Variants in PMP22 observed in about 807,000 individuals in gnomAD.
The protein encoded by PMP22 is peripheral myelin protein 22.
Under a neutral mutation model 18.9 loss-of-function variants are expected in PMP22, and 2 were observed. The ratio of observed to expected loss-of-function variants is 0.11; its 90% CI spans 0.04 to 0.33. The LOEUF is 0.33. PMP22 is among the 10% of genes least tolerant of loss of function. The pLI, the probability that PMP22 is intolerant of heterozygous loss-of-function variation, is 1.00. For synonymous variants in PMP22, 95 were observed against 89.2 expected (o/e 1.07, Z -0.37); for missense variants, 169 against 202.2 (o/e 0.84, Z 1.00).
rs890425802 is a variant in PMP22 at position 15,258,564 on chromosome 17, C to T, written c.178+530G>A. On this transcript the variant is annotated intron_variant, in intron 3 of 4. Transcript: ENST00000312280. The surrounding 1 kb of genome is among the most constrained non-coding windows in gnomAD (Gnocchi z 4.1). ...ATAGCTTCAAGTCCCCATCTTGCAA[C>T]AAGGAAACATTCAAAGGTTTTGATG... Among the ~76,000 whole-genome samples, 5 of 152,130 alleles carry T rather than the reference C, an allele frequency of 3.3e-5. No individual in the cohort carries two copies. The highest frequency in any genetic ancestry group is 2.4e-5 in the African/African-American group (1 of 41,408).
rs548719929 is a variant in PMP22, at chr17:15,240,491, G to A, written c.179-880C>T. ...GGTGTGTGATCGCCAACCACCAGAC[G>A]GGATGAAGGCTTACACTTCCTTATC... On this transcript the variant is annotated intron_variant, in intron 3 of 4. Coordinates refer to ENST00000312280, the MANE Select transcript of PMP22 (RefSeq NM_000304.4). Among the ~76,000 whole-genome samples the A allele has an allele frequency of 1.1e-4, 17 of 150,244 alleles. No homozygotes were observed. In the South Asian group the frequency reaches 3.4e-3, roughly 30 times the overall value.
intron 3 of PMP22, among the ~76,000 whole-genome samples, chr17:15,246,811 C>G (rs1222641351): frequency 5.3e-5 from 8 of 152,188 alleles, no homozygotes. Flanking sequence ...GTGGCTCATG[C>G]CTGTAATCCC....
At chr17:15,259,260 G>A in intron 2 of PMP22, 67 bp from the exon 3 acceptor site, 1 of 1,316,736 alleles carries the variant, frequency 7.6e-7, no homozygotes, top group Non-Finnish European at 1.1e-6. Flanking sequence ...AGGGGAAGGA[G>A]AAAGGCCCAG....
chr17:15,260,508 C>T, intron 2 of PMP22, 142 bp downstream of exon 2: 2 of 738,326 alleles, frequency 2.7e-6, no homozygotes, highest in East Asian at 2.7e-5. Flanking sequence ...TGGAAGGGGG[C>T]AGATTGCCAG....
chr17:15,264,849 CTG>C (rs1241451065), intron 1 of PMP22, among the ~76,000 whole-genome samples: 6 of 152,328 alleles, frequency 3.9e-5, no homozygotes, highest in Middle Eastern at 6.8e-3. Flanking sequence ...CACCTGCCAG[CTG>C]TGTGTGCACA....
At chr17:15,243,036 G>A (rs1907489308) in intron 3 of PMP22, among the ~76,000 whole-genome samples, 3 of 152,070 alleles carry the variant, frequency 2.0e-5, no homozygotes, top group Non-Finnish European at 4.4e-5. Context: ...AACCAAAGCA[G>A]TTCTCAGAGG....
At chr17:15,231,192 G>A (rs1158550304) in intron 4 of PMP22, 112 bp from the exon 5 acceptor site, 4 of 1,070,268 alleles carry the variant, frequency 3.7e-6, no homozygotes, top group African/African-American at 1.6e-5. Flanking sequence ...TTCTACCTCT[G>A]GAAGGAAATC....
At chr17:15,257,867 T>C (rs1908975006) in intron 3 of PMP22, among the ~76,000 whole-genome samples, 1 of 152,198 alleles carries the variant, frequency 6.6e-6, no homozygotes, top group African/African-American at 2.4e-5. Flanking sequence ...ATCTTCTCCA[T>C]GTAAATTACC....
At chr17:15,240,959 C>A (rs559655573) in intron 3 of PMP22, among the ~76,000 whole-genome samples, 69 of 152,318 alleles carry the variant, frequency 4.5e-4, no homozygotes, top group Non-Finnish European at 8.8e-4. Flanking sequence ...ATTAGGTTAA[C>A]TGTTCCTAGA....
At chr17:15,256,807 G>C (rs897636868) in intron 3 of PMP22, among the ~76,000 whole-genome samples, 2 of 152,132 alleles carry the variant, frequency 1.3e-5, no homozygotes, top group Non-Finnish European at 2.9e-5. Flanking sequence ...CTTATTGTCT[G>C]CAGCCACAAT....
intron 4 of PMP22, 61 bp downstream of exon 4, chr17:15,239,409 TA>T (rs1195398645): frequency 1.9e-6 from 3 of 1,576,220 alleles, no homozygotes. Flanking sequence ...TCTACTAAAC[TA>T]ATCATTCCGC....
At chr17:15,239,943 C>T (rs888376875) in intron 3 of PMP22, among the ~76,000 whole-genome samples, 12 of 151,890 alleles carry the variant, frequency 7.9e-5, no homozygotes, top group Admixed American at 2.6e-4. Flanking sequence ...CAAATATGTA[C>T]GTGTTTCTAT....
intron 2 of PMP22, chr17:15,260,208 T>A (rs944945121): frequency 1.5e-5 from 4 of 261,344 alleles, no homozygotes; most frequent in African/African-American, 6.6e-5. Context: ...TGTGAACTCT[T>A]TTCCAGAAAA....
At chr17:15,264,222 G>A (rs546034180) in intron 1 of PMP22, among the ~76,000 whole-genome samples, 2 of 96,900 alleles carry the variant, frequency 2.1e-5, no homozygotes, top group South Asian at 5.9e-4. Flanking sequence ...AGGTAGGTAG[G>A]TAGGTAGGTA....
rs748778392 is a variant in PMP22, at chr17:15,239,498, T to G, written c.292A>C (p.Ile98Leu). 2 of 1,614,206 alleles carry G rather than the reference T, an allele frequency of 1.2e-6. No homozygotes were observed. The highest frequency in any genetic ancestry group is 2.2e-5 in the South Asian group (2 of 91,086). ...FTLTKGGRFY[I>L]TGIFQILAGL... is the part of the protein sequence containing the mutation. ...GCAAGAATTTGGAAGATTCCAGTGA[T>G]GTAAAACCTGCCCCCCTTGGTGAGG... Residue 98 changes from isoleucine to leucine, a missense_variant, in exon 4 of 5, where the codon ATC (isoleucine) becomes CTC (leucine). By Grantham distance (5) the Ile-to-Leu change is conservative (BLOSUM62 2). Coordinates refer to ENST00000312280, the MANE Select transcript of PMP22 (RefSeq NM_000304.4).
At chr17:15,237,172 G>T (rs1451146267) in intron 4 of PMP22, among the ~76,000 whole-genome samples, 1 of 152,168 alleles carries the variant, frequency 6.6e-6, no homozygotes, top group African/African-American at 2.4e-5. Context: ...AGCAAGAGTG[G>T]ATTAGTAAAT....
At chr17:15,248,083 T>G (rs892994474) in intron 3 of PMP22, among the ~76,000 whole-genome samples, 41 of 152,366 alleles carry the variant, frequency 2.7e-4, no homozygotes, top group African/African-American at 9.6e-4. Context: ...TTTGCCCATA[T>G]GCTTCGCCCA....
intron 3 of PMP22, among the ~76,000 whole-genome samples, chr17:15,241,587 C>T (rs187699957): frequency 6.6e-6 from 1 of 152,112 alleles, no homozygotes; most frequent in South Asian, 2.1e-4. Context: ...GAAACTACTA[C>T]GAGACCTCAC....
chr17:15,244,835 T>G lies in PMP22; in HGVS notation c.179-5224A>C, dbSNP rs190024823. Among the ~76,000 whole-genome samples, 245 of 152,168 alleles carry G rather than the reference T, an allele frequency of 1.6e-3. 1 individual carries two copies. The highest frequency in any genetic ancestry group is 5.8e-3 in the African/African-American group (239 of 41,498). On this transcript the variant is annotated intron_variant, in intron 3 of 4. Coordinates refer to ENST00000312280, the MANE Select transcript of PMP22 (RefSeq NM_000304.4). ...GAACTACTGTTGCAACGAAGAAGAG[T>G]TTGGTCAAGAAGCCTTTCAGTTGAG...
Sources: gnomAD v4.1 joint callset for allele counts (sites outside exome capture counted in the v4.1 genomes callset) on GRCh38, gnomAD v4.1.1 for gene constraint, Gnocchi (gnomAD v3.1) non-coding constraint, MANE v1.5 for transcripts, NCBI Gene and HGNC (gene_info 2026-07-23, HGNC 2026-07-21) for gene names.